USP48: variants seen among roughly 807,000 people sequenced by gnomAD.
USP48 encodes the protein ubiquitin carboxyl-terminal hydrolase 48.
USP48 carries 43 observed loss-of-function variants against 150.7 expected under a neutral mutation model. That is an observed-to-expected ratio of 0.29 (90% CI 0.22 to 0.37). USP48 has a LOEUF of 0.37. Ranked by LOEUF, USP48 falls within the 10% of genes least tolerant of loss-of-function variation. USP48 has a pLI of 1.00. For missense variants in USP48, 813 were observed against 1,249.6 expected (o/e 0.65, Z 5.27); for synonymous variants, 396 against 425.9 (o/e 0.93, Z 0.86).
chr1:21,756,793 T>C, intron 2 of USP48, 91 bp from the exon 3 acceptor site: 3 of 1,540,318 alleles, frequency 1.9e-6, no homozygotes, highest in Non-Finnish European at 2.6e-6. Context: ...AGATTAAAAA[T>C]GTGTAAGACC....
At chr1:21,766,178 G>A (rs1247202197) in intron 1 of USP48, among the ~76,000 whole-genome samples, 1 of 152,088 alleles carries the variant, frequency 6.6e-6, no homozygotes, top group Non-Finnish European at 1.5e-5. Context: ...GACCAGCCTG[G>A]CCAACGTGGC....
intron 1 of USP48, among the ~76,000 whole-genome samples, chr1:21,772,982 G>A (rs182161275): frequency 3.2e-4 from 48 of 149,818 alleles, no homozygotes; most frequent in Non-Finnish European, 4.6e-4. Flanking sequence ...ATATTCGGCC[G>A]GGCGTGATGG....
intron 1 of USP48, among the ~76,000 whole-genome samples, chr1:21,761,225 A>G (rs1452368870): frequency 6.6e-6 from 1 of 152,120 alleles, no homozygotes; most frequent in Non-Finnish European, 1.5e-5. Flanking sequence ...ACTGGAAACA[A>G]CCTTATCGGC....
At chr1:21,777,039 T>C (rs1323788581) in intron 1 of USP48, among the ~76,000 whole-genome samples, 1 of 150,004 alleles carries the variant, frequency 6.7e-6, no homozygotes, top group Non-Finnish European at 1.5e-5. Context: ...CGCTTGAACA[T>C]GGGAGGCGGA....
intron 15 of USP48, chr1:21,715,123 C>G (rs533567233): frequency 2.8e-6 from 1 of 356,158 alleles, no homozygotes; most frequent in East Asian, 6.5e-5. Context: ...AAGAAACATA[C>G]GAGCACTATT....
intron 15 of USP48, among the ~76,000 whole-genome samples, chr1:21,713,359 T>C (rs1044477095): frequency 6.6e-6 from 1 of 152,186 alleles, no homozygotes; most frequent in Admixed American, 6.5e-5. Context: ...TCCTCCCACC[T>C]TGGCTTCCCA....
chr1:21,775,774 G>T (rs1401573576), intron 1 of USP48, among the ~76,000 whole-genome samples: 1 of 152,162 alleles, frequency 6.6e-6, no homozygotes, highest in East Asian at 1.9e-4. Flanking sequence ...TGGGCATGGT[G>T]ACATGCACTT....
At chr1:21,757,350 T>C (rs1342840504) in intron 2 of USP48, 1 of 192,942 alleles carries the variant, frequency 5.2e-6, no homozygotes, top group Non-Finnish European at 1.0e-5. Flanking sequence ...TTTGTTCCCT[T>C]GAATTACCAT....
intron 1 of USP48, among the ~76,000 whole-genome samples, chr1:21,769,402 G>A (rs146946457): frequency 9.2e-5 from 14 of 151,846 alleles, no homozygotes; most frequent in African/African-American, 3.1e-4. Flanking sequence ...GGTGGGAGGA[G>A]GGAGGGGAGC....
chr1:21,738,359 T>C (rs1422370919), intron 8 of USP48, among the ~76,000 whole-genome samples: 37 of 134,346 alleles, frequency 2.8e-4, no homozygotes, highest in Admixed American at 5.3e-4. Flanking sequence ...CGCCTGGCCT[T>C]TTTTTTTTTT....
At chr1:21,762,865 CA>C (rs34834573) in intron 1 of USP48, among the ~76,000 whole-genome samples, 16,477 of 76,208 alleles carry the variant, frequency 0.22, 1,044 homozygotes, top group African/African-American at 0.39. Flanking sequence ...GACTTCATCT[CA>C]AAAAAAAAAA....
intron 7 of USP48, among the ~76,000 whole-genome samples, chr1:21,747,447 C>T (rs1557557852): frequency 6.6e-6 from 1 of 152,162 alleles, no homozygotes; most frequent in Admixed American, 6.6e-5. Context: ...CAAACATTGC[C>T]TTGATTTTAA....
chr1:21,680,424 T>A (rs947186792), intron 26 of USP48, among the ~76,000 whole-genome samples: 1 of 152,250 alleles, frequency 6.6e-6, no homozygotes, highest in African/African-American at 2.4e-5. Context: ...GACAAATTCT[T>A]GTGCCACTAA....
intron 1 of USP48, among the ~76,000 whole-genome samples, chr1:21,777,971 C>T (rs2097903889): frequency 9.1e-5 from 3 of 33,014 alleles, no homozygotes; most frequent in African/African-American, 3.2e-4. Flanking sequence ...ACTAAATATA[C>T]CAAAAAAAAA....
chr1:21,720,452 T>C (rs2152541966), intron 14 of USP48, among the ~76,000 whole-genome samples: 1 of 152,294 alleles, frequency 6.6e-6, no homozygotes, highest in South Asian at 2.1e-4. Flanking sequence ...TGAGAGCTTG[T>C]AGTTTAATAA....
chr1:21,747,988 T>C (rs996946903), intron 7 of USP48, 150 bp downstream of exon 7: 1 of 807,412 alleles, frequency 1.2e-6, no homozygotes, highest in Non-Finnish European at 1.7e-6. Flanking sequence ...TCATGAAATA[T>C]CGACATTTCA....
intron 22 of USP48, among the ~76,000 whole-genome samples, chr1:21,696,060 A>T (rs1363996000): frequency 6.6e-6 from 1 of 152,214 alleles, no homozygotes; most frequent in African/African-American, 2.4e-5. Flanking sequence ...TAAATAAATT[A>T]AAATAAGTAA....
intron 23 of USP48, among the ~76,000 whole-genome samples, chr1:21,690,749 G>C (rs112213754): frequency 0.018 from 2,706 of 151,890 alleles, 80 homozygotes; most frequent in African/African-American, 0.062. Context: ...GGCTGGTCTC[G>C]AATTCTTAGA....
intron 25 of USP48, among the ~76,000 whole-genome samples, chr1:21,683,394 T>C (rs1451307330): frequency 1.3e-5 from 2 of 152,228 alleles, no homozygotes; most frequent in Non-Finnish European, 2.9e-5. Flanking sequence ...TTATTATTTC[T>C]TCTTTTTTGA....
Sources: gnomAD v4.1 joint callset for allele counts (sites outside exome capture counted in the v4.1 genomes callset) on GRCh38, gnomAD v4.1.1 for gene constraint, MANE v1.5 for transcripts, NCBI Gene and HGNC (gene_info 2026-07-23, HGNC 2026-07-21) for gene names.